The following DYM variants were observed in gnomAD, a reference collection of about 807,000 sequenced individuals.
DYM encodes dyggve-Melchior-Clausen syndrome protein.
DYM carries 78 observed loss-of-function variants against 93.1 expected under a neutral mutation model. The ratio of observed to expected loss-of-function variants is 0.84; its 90% CI spans 0.70 to 1.01. The LOEUF (loss-of-function observed/expected upper bound fraction) is 1.01. DYM is among the 50% of genes least tolerant of loss of function. The pLI is 0.00. For synonymous variants in DYM, 321 were observed against 319.7 expected, an observed-to-expected ratio of 1.00 and a Z score of -0.04; for missense variants, 789 against 845.0, an observed-to-expected ratio of 0.93 and a Z score of 0.82.
intron 13 of DYM, among the ~76,000 whole-genome samples, chr18:49,237,665 G>A (rs2093912209): frequency 6.6e-6 from 1 of 152,168 alleles, no homozygotes; most frequent in Non-Finnish European, 1.5e-5. Context: ...CCCCTTTGGT[G>A]CTTACATGGT....
At chr18:49,436,908 A>T (rs1272155535) in intron 1 of DYM, among the ~76,000 whole-genome samples, 1 of 152,184 alleles carries the variant, frequency 6.6e-6, no homozygotes, top group African/African-American at 2.4e-5. Flanking sequence ...GGTAACTTAA[A>T]AGCAAGCAAT....
chr18:49,183,685 GTTTA>G (rs1475712609), intron 14 of DYM, among the ~76,000 whole-genome samples: 1 of 152,130 alleles, frequency 6.6e-6, no homozygotes, highest in Non-Finnish European at 1.5e-5. Context: ...CTCAAAAAAT[GTTTA>G]TTTAATTGAA....
Position 49,159,499 on chromosome 18 carries a change from C to CT in DYM, c.1728+4185_1728+4186insA, listed in dbSNP as rs1600227168. ...CAGAGTTAACGGTATCTTAGAATTCCATATAGAATGATAATAATAAGTGAT... is the reference window on the plus strand; with the variant it reads ...CAGAGTTAACGGTATCTTAGAATTCCTATATAGAATGATAATAATAAGTGAT... On this transcript the variant is annotated intron_variant, in intron 15 of 17. Transcript: ENST00000675505. 3.9e-5 allele frequency among the ~76,000 whole-genome samples: 6 copies of CT among 152,204 alleles called. No homozygotes were observed. In the East Asian group the frequency reaches 1.2e-3, roughly 29 times the overall value.
intron 11 of DYM, among the ~76,000 whole-genome samples, chr18:49,262,562 T>C (rs1050861022): frequency 2.0e-5 from 3 of 152,196 alleles, no homozygotes; most frequent in African/African-American, 7.2e-5. Flanking sequence ...CCCTCCTATA[T>C]TGATACATAT....
At chr18:49,269,228 T>C (rs893787717) in intron 11 of DYM, among the ~76,000 whole-genome samples, 2 of 152,098 alleles carry the variant, frequency 1.3e-5, no homozygotes, top group African/African-American at 4.8e-5. Context: ...GAGCTCAAAA[T>C]TTCCCTGATA....
At chr18:49,166,739 T>G (rs2145149570) in intron 14 of DYM, among the ~76,000 whole-genome samples, 1 of 152,288 alleles carries the variant, frequency 6.6e-6, no homozygotes, top group African/African-American at 2.4e-5. Flanking sequence ...CAGAAATTTT[T>G]TGAGGCTAAA....
chr18:49,101,363 T>C (rs116673145), intron 16 of DYM, among the ~76,000 whole-genome samples: 69 of 152,346 alleles, frequency 4.5e-4, no homozygotes, highest in African/African-American at 1.7e-3. Context: ...GAAATCCAAG[T>C]ACAGCATATT....
At chr18:49,212,429 TGTG>T (rs1250474298) in intron 13 of DYM, among the ~76,000 whole-genome samples, 8 of 152,024 alleles carry the variant, frequency 5.3e-5, no homozygotes, top group East Asian at 1.9e-4. Flanking sequence ...GTAAAGCAAA[TGTG>T]GTAAAATTTT....
At chr18:49,272,028 C>G (rs1027434161) in intron 11 of DYM, 150 bp downstream of exon 11, 7 of 540,524 alleles carry the variant, frequency 1.3e-5, no homozygotes, top group African/African-American at 5.9e-5. Context: ...AAAAAAGCAC[C>G]GCTTCATAAA....
chr18:49,387,561 G>A (rs1001041671), intron 3 of DYM, among the ~76,000 whole-genome samples: 1 of 152,164 alleles, frequency 6.6e-6, no homozygotes, highest in Admixed American at 6.5e-5. Context: ...GTGAGCCACT[G>A]TGCCTGGTCG....
chr18:49,053,754 C>T (rs1202086037), intron 17 of DYM, among the ~76,000 whole-genome samples: 1 of 152,192 alleles, frequency 6.6e-6, no homozygotes, highest in Non-Finnish European at 1.5e-5. Context: ...TATCATTCCT[C>T]CTCCATATCC....
rs955422000 is a variant in DYM, at chr18:49,218,409, T to C, written c.1461-8694A>G. On this transcript the variant is annotated intron_variant, in intron 13 of 17. Coordinates refer to ENST00000675505, the MANE Select transcript of DYM (RefSeq NM_001353214.3). ...TCAGCTCTGCACCAAGCGGACCTAA[T>C]AGACATCTACAGAACTCTGCACCCC... Among the ~76,000 whole-genome samples, 589 of 152,310 alleles carry C rather than the reference T, an allele frequency of 3.9e-3. 1 individual carries two copies. The highest frequency in any genetic ancestry group is 0.013 in the African/African-American group (551 of 41,548).
Position 49,044,201 on chromosome 18 carries a change from AT to A in DYM, c.2028del (p.Lys676AsnfsTer5). On this transcript the variant is annotated frameshift_variant and splice_region_variant, in exon 18 of 18. Coordinates refer to ENST00000675505, the MANE Select transcript of DYM (RefSeq NM_001353214.3). LOFTEE classifies it high-confidence loss of function. ...ACATATTTGAATTTCAATTCTGGAAATTTCTGCAATGAAAATAAGATGATTT... is the reference window on the plus strand; with the variant it reads ...ACATATTTGAATTTCAATTCTGGAAATTCTGCAATGAAAATAAGATGATTT... Reference protein sequence around the residue: ...VVALPKDRLKKFPELKFKYVE... With the variant: ...VVALPKDRLKXFPELKFKYVE... 6.2e-7 allele frequency: 1 copy of A among 1,614,150 alleles called. No individual in the cohort carries two copies. Among genetic ancestry groups the A allele is most frequent in the South Asian group, 1.1e-5 (1 of 91,090 alleles).
intron 6 of DYM, among the ~76,000 whole-genome samples, chr18:49,353,338 C>T (rs1176004157): frequency 1.3e-5 from 2 of 152,058 alleles, no homozygotes; most frequent in Non-Finnish European, 2.9e-5. Context: ...TGCTCTTTGG[C>T]TTCCTTTTGT....
intron 13 of DYM, among the ~76,000 whole-genome samples, chr18:49,228,468 G>A (rs955830878): frequency 2.0e-5 from 3 of 152,140 alleles, no homozygotes; most frequent in Non-Finnish European, 4.4e-5. Flanking sequence ...GCAGACGGAA[G>A]TGAGAAAAAT....
chr18:49,087,081 T>G (rs1440605428), intron 17 of DYM, among the ~76,000 whole-genome samples: 1 of 152,100 alleles, frequency 6.6e-6, no homozygotes, highest in African/African-American at 2.4e-5. Flanking sequence ...AGCAGGAAGA[T>G]GGCCATCTAT....
intron 17 of DYM, among the ~76,000 whole-genome samples, chr18:49,082,792 T>C (rs1215007993): frequency 6.6e-6 from 1 of 152,216 alleles, no homozygotes; most frequent in African/African-American, 2.4e-5. Context: ...TTCTTTATCT[T>C]GTTGTATGCT....
At chr18:49,209,842 ACTGTCAGAAT>A in intron 13 of DYM, 127 bp from the exon 14 acceptor site, 2 of 521,116 alleles carry the variant, frequency 3.8e-6, no homozygotes, top group Non-Finnish European at 5.3e-6. Context: ...AAAAAAAAAA[ACTGTCAGAAT>A]AAAAAGTTAA....
intron 2 of DYM, among the ~76,000 whole-genome samples, chr18:49,417,346 C>T (rs550273417): frequency 6.6e-6 from 1 of 151,718 alleles, no homozygotes; most frequent in South Asian, 2.1e-4. Context: ...ATGGGGGTCT[C>T]GCCATGTTGC....
Sources: allele counts gnomAD v4.1 joint callset (sites outside exome capture counted in the v4.1 genomes callset), GRCh38; gene constraint gnomAD v4.1.1; transcripts MANE v1.5; gene names NCBI Gene and HGNC (gene_info 2026-07-23, HGNC 2026-07-21).